The following IFIH1 variants were observed in gnomAD, a reference collection of about 807,000 sequenced individuals.
IFIH1 encodes the protein interferon-induced helicase C domain-containing protein 1.
A neutral mutation model predicts 107.4 loss-of-function variants in IFIH1; 125 were observed. The observed-to-expected ratio is 1.16, with a 90% CI of 1.01 to 1.35. IFIH1 has a LOEUF of 1.35. Among genes scored for constraint, IFIH1 ranks in the 40% most tolerant of loss-of-function variants. IFIH1 has a pLI of 0.00. For synonymous variants in IFIH1, 458 were observed against 413.2 expected (o/e 1.11, Z -1.31); for missense variants, 1,333 against 1,213.7 (o/e 1.10, Z -1.46).
intron 1 of IFIH1, among the ~76,000 whole-genome samples, chr2:162,312,847 T>C (rs1202049996): frequency 2.0e-5 from 3 of 152,168 alleles, no homozygotes; most frequent in African/African-American, 7.2e-5. Flanking sequence ...ACCCCATCCT[T>C]TAATCAGCTT....
At chr2:162,304,499 AAAAGAG>A (rs929017049) in intron 3 of IFIH1, among the ~76,000 whole-genome samples, 1 of 152,164 alleles carries the variant, frequency 6.6e-6, no homozygotes, top group African/African-American at 2.4e-5. Flanking sequence ...CAAAAAAAGA[AAAAGAG>A]AAAAATCCAC....
intron 1 of IFIH1, 139 bp from the exon 2 acceptor site, chr2:162,311,072 C>T: frequency 3.4e-6 from 2 of 590,610 alleles, no homozygotes; most frequent in Non-Finnish European, 5.6e-6. Flanking sequence ...AAGAAAATAG[C>T]AATGTTACCT....
At chr2:162,286,332 A>G (rs549378056) in intron 5 of IFIH1, among the ~76,000 whole-genome samples, 1 of 152,110 alleles carries the variant, frequency 6.6e-6, no homozygotes, top group African/African-American at 2.4e-5. Flanking sequence ...GTGGGATTCC[A>G]GAGAAACAGA....
At chr2:162,317,589 A>G (rs576202234) in intron 1 of IFIH1, among the ~76,000 whole-genome samples, 1 of 152,386 alleles carries the variant, frequency 6.6e-6, no homozygotes, top group East Asian at 1.9e-4. Context: ...AACTGCACAT[A>G]GTAAGTGTTC....
chr2:162,301,019 G>A (rs1406541130), intron 3 of IFIH1, among the ~76,000 whole-genome samples: 1 of 152,262 alleles, frequency 6.6e-6, no homozygotes. Flanking sequence ...GGACCAGGGA[G>A]AAGAAGGCTG....
chr2:162,306,605 A>T (rs1398154234), intron 3 of IFIH1, 104 bp downstream of exon 3: 17 of 702,538 alleles, frequency 2.4e-5, no homozygotes, highest in Non-Finnish European at 3.9e-5. Context: ...AATGTTTACT[A>T]ACCTTAATGC....
chr2:162,281,597 A>G lies in IFIH1; in HGVS notation c.1307-52T>C, dbSNP rs772341264. On this transcript the variant is annotated intron_variant, in intron 6 of 15. Coordinates refer to ENST00000649979, the MANE Select transcript of IFIH1 (RefSeq NM_022168.4). Reference sequence around the variant, plus strand: ...TTCTCCATATCAGCACACTACAGTGAGAAAATAGCTTTAGACCAGTAATTG... The same window carrying G: ...TTCTCCATATCAGCACACTACAGTGGGAAAATAGCTTTAGACCAGTAATTG... 3.7e-6 allele frequency: 5 copies of G among 1,340,122 alleles called. No homozygotes were observed. The South Asian group carries it at 6.3e-5, about 17-fold the overall frequency. The allele number at this position is 1,340,122 out of a possible 1,614,324, so 83.0% of individuals were successfully genotyped here.
chr2:162,286,845 GAGTCATTACT>G (rs1234060307), intron 5 of IFIH1, among the ~76,000 whole-genome samples: 1 of 151,898 alleles, frequency 6.6e-6, no homozygotes, highest in Admixed American at 6.6e-5. Context: ...GTAAAAGCAG[GAGTCATTACT>G]AGGCCATATA....
In IFIH1 at chr2:162,277,631, C is replaced by T. The variant is rs558387118; in HGVS notation, c.1828G>A (p.Ala610Thr). 5 of 1,612,988 alleles carry T rather than the reference C, an allele frequency of 3.1e-6. No individual in the cohort carries two copies. Among genetic ancestry groups the T allele is most frequent in the Admixed American group, 1.7e-5 (1 of 59,870 alleles). Residue 610 changes from alanine (A) to threonine (T), a missense_variant, in exon 10 of 16, where the codon GCC becomes ACC. By Grantham distance (58) the Ala-to-Thr change is moderately conservative. Coordinates refer to ENST00000649979, the MANE Select transcript of IFIH1 (RefSeq NM_022168.4). ...CGAATTGTGTCATTAATTTGTAGGG[C>T]CTCATTGTACTTCCTCAAATGTTCT... Reference protein sequence around the residue: ...CAEHLRKYNEALQINDTIRMI... With the variant: ...CAEHLRKYNETLQINDTIRMI...
chr2:162,302,294 A>G (rs1442799739), intron 3 of IFIH1, among the ~76,000 whole-genome samples: 3 of 152,232 alleles, frequency 2.0e-5, no homozygotes, highest in African/African-American at 7.2e-5. Flanking sequence ...ACTACTATGC[A>G]CTGAGAAAAT....
chr2:162,271,953 G>A (rs889079547), intron 13 of IFIH1, among the ~76,000 whole-genome samples: 11 of 152,134 alleles, frequency 7.2e-5, no homozygotes, highest in Non-Finnish European at 1.3e-4. Context: ...GAATCAGTGA[G>A]TTGCAGCAGT....
At chr2:162,300,596 CTCTCTT>C (rs1683176948) in intron 3 of IFIH1, among the ~76,000 whole-genome samples, 2 of 152,176 alleles carry the variant, frequency 1.3e-5, no homozygotes, top group African/African-American at 4.8e-5. Context: ...ATCAGCATCT[CTCTCTT>C]TCTCTCAGCT....
At chr2:162,293,977 C>T (rs1166922406) in intron 3 of IFIH1, among the ~76,000 whole-genome samples, 1 of 151,804 alleles carries the variant, frequency 6.6e-6, no homozygotes, top group Non-Finnish European at 1.5e-5. Context: ...GTAAATGTTG[C>T]CCAAGAAAAC....
chr2:162,293,754 C>T, intron 3 of IFIH1, 86 bp from the exon 4 acceptor site: 5 of 747,626 alleles, frequency 6.7e-6, no homozygotes, highest in Non-Finnish European at 8.6e-6. Context: ...GCACACAGTA[C>T]ATACAGTTCA....
chr2:162,278,772 G>C (rs1682755512), intron 8 of IFIH1, among the ~76,000 whole-genome samples: 1 of 152,092 alleles, frequency 6.6e-6, no homozygotes, highest in Admixed American at 6.6e-5. Flanking sequence ...CAGAAATAAA[G>C]GAGTGCATGC....
intron 4 of IFIH1, among the ~76,000 whole-genome samples, chr2:162,293,318 T>C (rs1466782994): frequency 2.0e-5 from 3 of 151,982 alleles, no homozygotes; most frequent in Non-Finnish European, 2.9e-5. Flanking sequence ...CATGACTCTA[T>C]GGAATGTGGC....
At chr2:162,302,621 T>C (rs1013980728) in intron 3 of IFIH1, among the ~76,000 whole-genome samples, 2 of 152,370 alleles carry the variant, frequency 1.3e-5, no homozygotes, top group Admixed American at 6.5e-5. Flanking sequence ...AACCCTTCCA[T>C]AGTAAATTCT....
chr2:162,283,124 G>T (rs1338497215), intron 5 of IFIH1, among the ~76,000 whole-genome samples: 2 of 151,826 alleles, frequency 1.3e-5, no homozygotes, highest in Non-Finnish European at 2.9e-5. Context: ...CAGTTTACAG[G>T]ATCCCTACAA....
intron 1 of IFIH1, among the ~76,000 whole-genome samples, chr2:162,312,605 G>A (rs1456836953): frequency 6.6e-6 from 1 of 152,136 alleles, no homozygotes; most frequent in Admixed American, 6.5e-5. Flanking sequence ...TTTGAACTCA[G>A]TAAATTTCAA....
Sources: gnomAD v4.1 joint callset for allele counts (sites outside exome capture counted in the v4.1 genomes callset) on GRCh38, gnomAD v4.1.1 for gene constraint, MANE v1.5 for transcripts, NCBI Gene and HGNC (gene_info 2026-07-23, HGNC 2026-07-21) for gene names.